The following TYW1B variants were observed in gnomAD, a reference collection of about 807,000 sequenced individuals.
TYW1B encodes tRNA-yW synthesizing protein 1 homolog B.
Under a neutral mutation model 86.9 loss-of-function variants are expected in TYW1B, and 73 were observed. That is an observed-to-expected ratio of 0.84 (90% CI 0.70 to 1.02). The LOEUF (loss-of-function observed/expected upper bound fraction) is 1.02, where lower values mean the gene tolerates loss of function less well. Ranked by LOEUF, TYW1B falls within the 50% of genes least tolerant of loss-of-function variation. TYW1B has a pLI of 0.00. For missense variants in TYW1B, 637 were observed against 827.4 expected (o/e 0.77, Z 2.82); for synonymous variants, 248 against 292.8 (o/e 0.85, Z 1.56).
intron 6 of TYW1B, among the ~76,000 whole-genome samples, chr7:72,783,492 T>TA (rs202040924): frequency 2.0e-5 from 3 of 151,950 alleles, no homozygotes; most frequent in South Asian, 2.1e-4. Context: ...GGAGTCACGG[T>TA]AAAAAAATTA....
intron 7 of TYW1B, among the ~76,000 whole-genome samples, chr7:72,753,045 A>G (rs1787527673): frequency 6.6e-6 from 1 of 152,124 alleles, no homozygotes; most frequent in African/African-American, 2.4e-5. Context: ...TTTAAGAGAA[A>G]ACAAATCAGG....
chr7:72,789,690 T>C (rs370068113), intron 6 of TYW1B, among the ~76,000 whole-genome samples: 16 of 151,982 alleles, frequency 1.1e-4, no homozygotes, highest in African/African-American at 3.6e-4. Context: ...TTGCCGAGGC[T>C]GGTCTCAAAT....
At chr7:72,658,981 A>C (rs1585882287) in intron 11 of TYW1B, among the ~76,000 whole-genome samples, 1 of 152,150 alleles carries the variant, frequency 6.6e-6, no homozygotes, top group Non-Finnish European at 1.5e-5. Context: ...TTGGCCTCCC[A>C]AAGTGCCGGG....
At chr7:72,819,388 T>C (rs1788786254) in intron 2 of TYW1B, among the ~76,000 whole-genome samples, 1 of 152,122 alleles carries the variant, frequency 6.6e-6, no homozygotes, top group Non-Finnish European at 1.5e-5. Flanking sequence ...AGAAAGACTG[T>C]CTTAGTCCAT....
chr7:72,636,185 T>C (rs1435615143), intron 11 of TYW1B, among the ~76,000 whole-genome samples: 2 of 152,250 alleles, frequency 1.3e-5, no homozygotes, highest in African/African-American at 4.8e-5. Flanking sequence ...AATATACTTT[T>C]GATGCTTTGT....
chr7:72,786,046 C>T (rs1788124447), intron 6 of TYW1B, among the ~76,000 whole-genome samples: 1 of 151,686 alleles, frequency 6.6e-6, no homozygotes, highest in Non-Finnish European at 1.5e-5. Flanking sequence ...GAGGCGGGGG[C>T]TGCCATGAGA....
intron 7 of TYW1B, among the ~76,000 whole-genome samples, chr7:72,772,503 T>C (rs13247116): frequency 0.69 from 104,317 of 151,406 alleles, 36,890 homozygotes; most frequent in Non-Finnish European, 0.77. Flanking sequence ...GAGAGAAAAA[T>C]CCAATTCTAG....
In TYW1B at chr7:72,652,967, G is replaced by A. The variant is rs539690762; in HGVS notation, c.1507-23970C>T. On this transcript the variant is annotated intron_variant, in intron 11 of 13. Transcript: ENST00000620995. The stretch of plus-strand genomic sequence containing the variant: ...TTGCAGTGCTATTTAATAGTAGATG[G>A]GTTAAGAAAATCATGACAAACCCAA... Among the ~76,000 whole-genome samples, 9 of 152,170 alleles carry A rather than the reference G, an allele frequency of 5.9e-5. No individual in the cohort carries two copies. In the East Asian group the frequency reaches 1.5e-3, roughly 26 times the overall value.
At chr7:72,771,713 T>A (rs77035188) in intron 7 of TYW1B, among the ~76,000 whole-genome samples, 4 of 16,202 alleles carry the variant, frequency 2.5e-4, no homozygotes, top group East Asian at 1.3e-3. Flanking sequence ...TTTAGCAAAA[T>A]TTTTTTTTTT....
chr7:72,603,303 TGATG>T lies in TYW1B; in HGVS notation c.1785+13365_1785+13368del, dbSNP rs1313406861. Among the ~76,000 whole-genome samples, 7 of 142,992 alleles carry T rather than the reference TGATG, an allele frequency of 4.9e-5. No homozygotes were observed. In the East Asian group the frequency reaches 1.3e-3, roughly 26 times the overall value. 93.8% of individuals were successfully genotyped at this position (142,992 alleles called of 152,430 possible). ...GACAGACAAACAGATGACAGATGAT[TGATG>T]GATGGACAGATAGATGATGGATGGA... is the stretch of plus-strand genomic sequence containing the variant. On this transcript the variant is annotated intron_variant, in intron 13 of 13. Transcript: ENST00000620995.
intron 11 of TYW1B, among the ~76,000 whole-genome samples, chr7:72,635,315 T>C (rs536166906): frequency 1.3e-5 from 2 of 152,364 alleles, no homozygotes; most frequent in Non-Finnish European, 2.9e-5. Flanking sequence ...ATCACACTTT[T>C]AATTACTGTT....
chr7:72,758,039 G>A (rs563621950), intron 7 of TYW1B, among the ~76,000 whole-genome samples: 13 of 152,220 alleles, frequency 8.5e-5, no homozygotes, highest in East Asian at 3.9e-4. Context: ...CCAACGTGGC[G>A]AAACCACATC....
At chr7:72,634,833 T>C (rs1162279584) in intron 11 of TYW1B, among the ~76,000 whole-genome samples, 2 of 152,188 alleles carry the variant, frequency 1.3e-5, no homozygotes, top group Non-Finnish European at 2.9e-5. Flanking sequence ...GTTGGAATAT[T>C]TGTCTTTTTT....
intron 7 of TYW1B, among the ~76,000 whole-genome samples, chr7:72,753,807 A>C (rs2129571527): frequency 6.6e-6 from 1 of 152,248 alleles, no homozygotes; most frequent in South Asian, 2.1e-4. Context: ...GAAATAAAGT[A>C]TATTTTAATT....
chr7:72,668,578 T>A (rs1813520680), intron 11 of TYW1B, among the ~76,000 whole-genome samples: 2 of 152,162 alleles, frequency 1.3e-5, no homozygotes, highest in Non-Finnish European at 2.9e-5. Flanking sequence ...CCCATGCTCT[T>A]GGACTCTGGT....
At chr7:72,776,188 A>G (rs1168140446) in intron 7 of TYW1B, among the ~76,000 whole-genome samples, 1 of 152,158 alleles carries the variant, frequency 6.6e-6, no homozygotes, top group Non-Finnish European at 1.5e-5. Flanking sequence ...GATAAAAATT[A>G]CATACAGGTT....
At chr7:72,634,679 T>C (rs1236670853) in intron 11 of TYW1B, among the ~76,000 whole-genome samples, 1 of 152,168 alleles carries the variant, frequency 6.6e-6, no homozygotes, top group Non-Finnish European at 1.5e-5. Context: ...CAACAACACT[T>C]AGTGTTGCTA....
intron 13 of TYW1B, among the ~76,000 whole-genome samples, chr7:72,587,928 T>A (rs1369072259): frequency 6.6e-6 from 1 of 152,218 alleles, no homozygotes; most frequent in Admixed American, 6.5e-5. Flanking sequence ...TTTGTCTCAG[T>A]CATAATTTTG....
chr7:72,652,488 A>AT (rs1312532506), intron 11 of TYW1B, among the ~76,000 whole-genome samples: 7 of 152,044 alleles, frequency 4.6e-5, no homozygotes, highest in Admixed American at 2.0e-4. Context: ...GCTAAATGAT[A>AT]GACATAATGC....
Sources: allele counts gnomAD v4.1 joint callset (sites outside exome capture counted in the v4.1 genomes callset), GRCh38; gene constraint gnomAD v4.1.1; transcripts MANE v1.5; gene names NCBI Gene and HGNC (gene_info 2026-07-23, HGNC 2026-07-21).